The following C12orf42 variants were observed in gnomAD, a reference collection of about 807,000 sequenced individuals.
C12orf42 encodes chromosome 12 open reading frame 42, also known as uncharacterized protein C12orf42.
A neutral mutation model predicts 21.6 loss-of-function variants in C12orf42; 25 were observed. The ratio of observed to expected loss-of-function variants is 1.16; its 90% CI spans 0.84 to 1.62. C12orf42 has a LOEUF of 1.62. Ranked by LOEUF, C12orf42 falls within the 40% of genes most tolerant of loss-of-function variation. C12orf42 has a pLI of 0.00. For synonymous variants in C12orf42, 174 were observed against 175.0 expected (o/e 0.99, Z 0.05); for missense variants, 483 against 459.3 (o/e 1.05, Z -0.47).
chr12:103,355,600 G>GA (rs2043475416), intron 4 of C12orf42, among the ~76,000 whole-genome samples: 1 of 152,062 alleles, frequency 6.6e-6, no homozygotes, highest in Non-Finnish European at 1.5e-5. Flanking sequence ...CCAAGGAGAT[G>GA]AACCCAGAGA....
At chr12:103,540,487 G>T in the C12orf42 span, among the ~76,000 whole-genome samples, 4 of 152,140 alleles carry the variant, frequency 2.6e-5, no homozygotes, top group Non-Finnish European at 1.5e-5. Context: ...GTTGCTAGGC[G>T]AATACACCTT....
At chr12:103,166,525 A>G in the C12orf42 span, among the ~76,000 whole-genome samples, 20 of 152,312 alleles carry the variant, frequency 1.3e-4, no homozygotes, top group African/African-American at 4.6e-4. Flanking sequence ...TAACATAATT[A>G]TAGTCACATA....
At chr12:103,563,677 A>C in the C12orf42 span, among the ~76,000 whole-genome samples, 1 of 152,218 alleles carries the variant, frequency 6.6e-6, no homozygotes, top group Non-Finnish European at 1.5e-5. Flanking sequence ...ATCCTCCAGC[A>C]GGTCATGATC....
the C12orf42 span, among the ~76,000 whole-genome samples, chr12:103,555,620 A>T: frequency 2.5e-3 from 385 of 152,276 alleles, 3 homozygotes; most frequent in African/African-American, 9.0e-3. Flanking sequence ...CAGCATGGGC[A>T]TCTCCTGAGA....
At chr12:103,177,513 C>T in the C12orf42 span, among the ~76,000 whole-genome samples, 1 of 152,060 alleles carries the variant, frequency 6.6e-6, no homozygotes. Context: ...TTTTTTGAGA[C>T]AAAGCTTGAG....
chr12:103,118,551 C>A, the C12orf42 span, among the ~76,000 whole-genome samples: 1 of 152,048 alleles, frequency 6.6e-6, no homozygotes, highest in Non-Finnish European at 1.5e-5. Flanking sequence ...GTAATCCCAG[C>A]ACTTTGGGAG....
the C12orf42 span, among the ~76,000 whole-genome samples, chr12:103,553,014 C>G: frequency 1.3e-5 from 2 of 152,184 alleles, no homozygotes; most frequent in East Asian, 3.9e-4. Flanking sequence ...CCCTTCCCAA[C>G]AGGTCTCTCC....
At chr12:103,368,574 G>A (rs932957793) in intron 4 of C12orf42, among the ~76,000 whole-genome samples, 1 of 152,090 alleles carries the variant, frequency 6.6e-6, no homozygotes, top group East Asian at 1.9e-4. Context: ...TCTAAGAATC[G>A]AATATGCCTA....
At chr12:103,126,325 G>C in the C12orf42 span, among the ~76,000 whole-genome samples, 4 of 152,138 alleles carry the variant, frequency 2.6e-5, no homozygotes, top group African/African-American at 4.8e-5. Flanking sequence ...GGCATTTTCC[G>C]TGTCACTTCT....
intron 4 of C12orf42, among the ~76,000 whole-genome samples, chr12:103,294,462 G>A (rs1373420310): frequency 3.5e-5 from 4 of 112,816 alleles, no homozygotes; most frequent in Non-Finnish European, 7.0e-5. Flanking sequence ...AAGAAAGAAA[G>A]AAAGAAAGAA....
chr12:103,488,552 A>G (rs367770288), intron 1 of C12orf42, among the ~76,000 whole-genome samples: 13 of 152,194 alleles, frequency 8.5e-5, no homozygotes, highest in African/African-American at 2.4e-4. Context: ...GTGTTTTCCA[A>G]CGTGGTTCCA....
At chr12:103,137,924 T>C in the C12orf42 span, among the ~76,000 whole-genome samples, 2 of 152,088 alleles carry the variant, frequency 1.3e-5, no homozygotes, top group Non-Finnish European at 2.9e-5. Context: ...AACATAAAGT[T>C]AGATTGAAGG....
chr12:103,181,132 C>T, the C12orf42 span, among the ~76,000 whole-genome samples: 1 of 151,778 alleles, frequency 6.6e-6, no homozygotes. Flanking sequence ...CATGGTGGCA[C>T]ACACCTGTAG....
At chr12:103,096,186 A>T in the C12orf42 span, among the ~76,000 whole-genome samples, 9 of 152,358 alleles carry the variant, frequency 5.9e-5, no homozygotes, top group East Asian at 1.7e-3. Flanking sequence ...ATCAGGTGCC[A>T]TCTGAAAGTG....
intron 4 of C12orf42, among the ~76,000 whole-genome samples, chr12:103,343,595 A>G (rs1380913588): frequency 1.3e-5 from 2 of 152,038 alleles, no homozygotes; most frequent in Non-Finnish European, 2.9e-5. Flanking sequence ...CCTGGCTAAC[A>G]TGGTGAAACC....
the C12orf42 span, among the ~76,000 whole-genome samples, chr12:103,116,529 G>A: frequency 2.0e-5 from 3 of 151,890 alleles, no homozygotes; most frequent in East Asian, 3.9e-4. Flanking sequence ...TCCCTGCCAT[G>A]TTTCCCAAAT....
chr12:103,552,486 T>C, the C12orf42 span, among the ~76,000 whole-genome samples: 2 of 152,220 alleles, frequency 1.3e-5, no homozygotes, highest in African/African-American at 2.4e-5. Flanking sequence ...TTAATTCCTG[T>C]AAAATTTAAT....
chr12:103,431,328 G>A (rs893428845), intron 2 of C12orf42: 2 of 152,188 alleles, frequency 1.3e-5, no homozygotes, highest in African/African-American at 4.8e-5. Context: ...AAATTAAATA[G>A]AGGCCATTTT....
At chr12:103,489,088 C>T (rs1955020635) in intron 1 of C12orf42, among the ~76,000 whole-genome samples, 1 of 152,222 alleles carries the variant, frequency 6.6e-6, no homozygotes, top group Non-Finnish European at 1.5e-5. Context: ...GTGGTTTTAG[C>T]TACCTTTTGT....
Sources: gnomAD v4.1 joint callset for allele counts (sites outside exome capture counted in the v4.1 genomes callset) on GRCh38, gnomAD v4.1.1 for gene constraint, MANE v1.5 for transcripts, NCBI Gene and HGNC (gene_info 2026-07-23, HGNC 2026-07-21) for gene names.